Variants in RXYLT1 observed in about 807,000 individuals in gnomAD.
RXYLT1 encodes the protein ribitol xylosyltransferase 1.
RXYLT1 carries 41 observed loss-of-function variants against 43.5 expected under a neutral mutation model. The observed-to-expected ratio is 0.94, with a 90% CI of 0.73 to 1.22. RXYLT1 has a LOEUF of 1.22. Ranked by LOEUF, RXYLT1 falls within the 50% of genes most tolerant of loss-of-function variation. The pLI, the probability that RXYLT1 is intolerant of heterozygous loss-of-function variation, is 0.00. For missense variants in RXYLT1, 514 were observed against 532.0 expected (o/e 0.97, Z 0.33); for synonymous variants, 166 against 194.4 (o/e 0.85, Z 1.21).
At chr12:63,805,043 T>TG in intron 4 of RXYLT1, 191 bp from the exon 5 acceptor site, 1 of 451,766 alleles carries the variant, frequency 2.2e-6, no homozygotes, top group East Asian at 3.5e-5. Context: ...GATGTCAGTG[T>TG]GAAATTCAAT....
At chr12:63,804,238 C>T (rs2136232853) in intron 4 of RXYLT1, 1 of 152,282 alleles carries the variant, frequency 6.6e-6, no homozygotes, top group East Asian at 1.9e-4. Context: ...TACAGCTGAA[C>T]ACCCCACAAT....
intron 2 of RXYLT1, 49 bp downstream of exon 2, chr12:63,781,223 A>G: frequency 1.5e-6 from 2 of 1,361,754 alleles, no homozygotes; most frequent in Non-Finnish European, 1.9e-6. Context: ...TATAAAATGT[A>G]TTTTATTGAT....
At chr12:63,780,250 C>T (rs907914107) in intron 1 of RXYLT1, 121 bp downstream of exon 1, 109 of 1,379,722 alleles carry the variant, frequency 7.9e-5, no homozygotes, top group Non-Finnish European at 9.7e-5. Flanking sequence ...GCCTGAGAAG[C>T]GCTTTGCCCC....
chr12:63,804,876 G>A (rs1898250871), intron 4 of RXYLT1: 1 of 163,776 alleles, frequency 6.1e-6, no homozygotes, highest in African/African-American at 2.4e-5. Flanking sequence ...TGGTTAAAAT[G>A]TTGCTTAAAT....
intron 3 of RXYLT1, among the ~76,000 whole-genome samples, chr12:63,796,963 CTTTTTT>C (rs776895611): frequency 1.5e-5 from 2 of 132,328 alleles, no homozygotes; most frequent in African/African-American, 5.6e-5. Context: ...TTTTCTTTTT[CTTTTTT>C]TTTTTTTTTT....
rs372081358 is a variant in RXYLT1 at position 63,780,989 on chromosome 12, A to G, written c.170-30A>G. On this transcript the variant is annotated intron_variant, in intron 1 of 5. Transcript: ENST00000261234. ...TTACCTACAACTGCAATAATACCTT[A>G]CTGGTAAACACTTACTCTTTTTAAA... is the stretch of plus-strand genomic sequence containing the variant. 76 of 1,494,572 alleles carry G rather than the reference A, an allele frequency of 5.1e-5. No homozygotes were observed. In the African/African-American group the frequency reaches 9.7e-4, roughly 19 times the overall value. 92.6% of individuals were successfully genotyped at this position (1,494,572 alleles called of 1,614,324 possible).
intron 3 of RXYLT1, 151 bp from the exon 4 acceptor site, chr12:63,801,940 T>C: frequency 1.4e-6 from 1 of 711,262 alleles, no homozygotes; most frequent in Non-Finnish European, 2.2e-6. Flanking sequence ...TTCAAACTTG[T>C]TCAAAAGATT....
intron 3 of RXYLT1, among the ~76,000 whole-genome samples, chr12:63,794,459 A>G (rs1351587622): frequency 6.6e-6 from 1 of 152,222 alleles, no homozygotes; most frequent in African/African-American, 2.4e-5. Flanking sequence ...TGAGAGATCC[A>G]TTAATTCATT....
chr12:63,806,037 C>T (rs919466988), intron 5 of RXYLT1: 1 of 152,168 alleles, frequency 6.6e-6, no homozygotes, highest in African/African-American at 2.4e-5. Context: ...ATCAAGTTTT[C>T]AAATAAACAA....
Position 63,809,358 on chromosome 12 carries a change from G to A in RXYLT1, c.*266G>A, listed in dbSNP as rs185767828. On this transcript the variant is annotated 3_prime_UTR_variant, in exon 6 of 6. Transcript: ENST00000261234. ...ATATGTATTGCAATACATCACTCACGTGTTTGTGGTGATACTGGTGTAAAC... is the reference window on the plus strand; with the variant it reads ...ATATGTATTGCAATACATCACTCACATGTTTGTGGTGATACTGGTGTAAAC... The A allele has an allele frequency of 2.3e-5, 7 of 302,310 alleles. No individual in the cohort carries two copies. Among genetic ancestry groups the A allele is most frequent in the Admixed American group, 9.8e-5 (2 of 20,400 alleles). The allele number at this position is 302,310 out of a possible 1,614,324, so 18.7% of individuals were successfully genotyped here. A position where few individuals can be genotyped will look rare whatever the true frequency, so the allele number is the denominator to read the frequency against.
intron 3 of RXYLT1, among the ~76,000 whole-genome samples, chr12:63,801,667 G>A (rs1898161813): frequency 1.3e-5 from 2 of 151,776 alleles, no homozygotes; most frequent in East Asian, 1.9e-4. Flanking sequence ...AAAAAAATAC[G>A]AAAAATTACC....
chr12:63,780,345 C>G (rs1354770179), intron 1 of RXYLT1: 1 of 1,287,850 alleles, frequency 7.8e-7, no homozygotes, highest in Non-Finnish European at 9.8e-7. Flanking sequence ...TCCCCGCTCC[C>G]GATCCCAGGG....
chr12:63,801,912 T>C (rs1443419850), intron 3 of RXYLT1, among the ~76,000 whole-genome samples, 179 bp from the exon 4 acceptor site: 2 of 152,206 alleles, frequency 1.3e-5, no homozygotes, highest in Non-Finnish European at 2.9e-5. Flanking sequence ...ACCATTAATC[T>C]ACAGCTATGC....
chr12:63,793,052 A>G (rs1470452464), intron 3 of RXYLT1, among the ~76,000 whole-genome samples: 1 of 152,158 alleles, frequency 6.6e-6, no homozygotes, highest in African/African-American at 2.4e-5. Context: ...GAATATAGGT[A>G]TGCAACACTG....
intron 3 of RXYLT1, among the ~76,000 whole-genome samples, chr12:63,799,853 C>G (rs188518275): frequency 2.8e-4 from 43 of 152,042 alleles, no homozygotes; most frequent in African/African-American, 1.0e-3. Flanking sequence ...CGTATGCTAC[C>G]AATAATAAAT....
At chr12:63,788,751 C>T (rs536726300) in intron 3 of RXYLT1, among the ~76,000 whole-genome samples, 1 of 152,212 alleles carries the variant, frequency 6.6e-6, no homozygotes, top group Non-Finnish European at 1.5e-5. Context: ...GACTATTTCA[C>T]CTTCACATCA....
intron 5 of RXYLT1, chr12:63,805,763 C>T (rs1898276741): frequency 6.2e-6 from 1 of 161,118 alleles, no homozygotes; most frequent in South Asian, 2.0e-4. Context: ...TGTTCCAAGA[C>T]CGGTGTGCAG....
chr12:63,780,204 C>G, intron 1 of RXYLT1, 75 bp downstream of exon 1: 1 of 1,393,504 alleles, frequency 7.2e-7, no homozygotes, highest in Non-Finnish European at 9.2e-7. Flanking sequence ...GGCCGGGTCC[C>G]CGCACCCGGC....
intron 5 of RXYLT1, 40 bp from the exon 6 acceptor site, chr12:63,808,635 T>C: frequency 6.3e-7 from 1 of 1,578,210 alleles, no homozygotes; most frequent in Non-Finnish European, 8.6e-7. Flanking sequence ...ACTATATACT[T>C]AGTAAAGTGA....
Sources: allele counts gnomAD v4.1 joint callset (sites outside exome capture counted in the v4.1 genomes callset), GRCh38; gene constraint gnomAD v4.1.1; transcripts MANE v1.5; gene names NCBI Gene and HGNC (gene_info 2026-07-23, HGNC 2026-07-21).